Variants in KCNN2 observed in about 807,000 individuals in gnomAD.
KCNN2 encodes potassium calcium-activated channel subfamily N member 2, also known as small conductance calcium-activated potassium channel protein 2.
A neutral mutation model predicts 55.5 loss-of-function variants in KCNN2; 24 were observed. The ratio of observed to expected loss-of-function variants is 0.43; its 90% CI spans 0.31 to 0.61. KCNN2 has a LOEUF of 0.61. KCNN2 is among the 20% of genes least tolerant of loss of function. The pLI, the probability that KCNN2 is intolerant of heterozygous loss-of-function variation, is 0.08. For synonymous variants in KCNN2, 431 were observed against 336.1 expected (o/e 1.28, Z -3.09); for missense variants, 754 against 853.6 (o/e 0.88, Z 1.45).
rs186644249 is a variant in KCNN2, at chr5:114,138,638, A to C, written c.-271+82138A>C. On this transcript the variant is annotated intron_variant, in intron 1 of 10. Coordinates refer to the KCNN2 transcript ENST00000512097. ...GTTATTAACTTGATCTATTCATCTA[A>C]GCCACCTCCCTTTAGGGCAGGGGTT... 2.1e-3 allele frequency among the ~76,000 whole-genome samples: 317 copies of C among 152,306 alleles called. 1 individual carries two copies. The highest frequency in any genetic ancestry group is 7.1e-3 in the African/African-American group (294 of 41,592).
chr5:114,368,174 G>A lies in KCNN2; in HGVS notation c.1218+4173G>A, dbSNP rs1580755720. Among the ~76,000 whole-genome samples the A allele has an allele frequency of 2.0e-5, 3 of 152,106 alleles. No homozygotes were observed. In the South Asian group the frequency reaches 6.2e-4, roughly 32 times the overall value. ...GGTTGACTTTTCATTTATGTGGGTT[G>A]CAAAGTGCTGAAAATCTTAAGTATA... On this transcript the variant is annotated intron_variant, in intron 2 of 7. Transcript: ENST00000673685.
intron 1 of KCNN2, among the ~76,000 whole-genome samples, chr5:114,072,607 C>G (rs1418243116): frequency 6.6e-5 from 10 of 152,150 alleles, no homozygotes; most frequent in Non-Finnish European, 4.4e-5. Context: ...TATAAATTAC[C>G]TAGTCTGTAG....
intron 3 of KCNN2, among the ~76,000 whole-genome samples, chr5:114,443,025 G>T (rs1406304387): frequency 6.6e-6 from 1 of 152,146 alleles, no homozygotes; most frequent in Non-Finnish European, 1.5e-5. Context: ...GGGTGCAGTG[G>T]CTCAAGTCTG....
At chr5:114,378,625 A>G (rs973600469) in intron 2 of KCNN2, among the ~76,000 whole-genome samples, 11 of 152,270 alleles carry the variant, frequency 7.2e-5, no homozygotes, top group African/African-American at 2.6e-4. Flanking sequence ...CATGCAAGTG[A>G]AATGGCTGTA....
chr5:114,460,428 A>G (rs1761140392), intron 3 of KCNN2, among the ~76,000 whole-genome samples: 1 of 152,034 alleles, frequency 6.6e-6, no homozygotes, highest in Non-Finnish European at 1.5e-5. Flanking sequence ...TTTTTAGTAG[A>G]GATGGGGTTT....
intron 4 of KCNN2, among the ~76,000 whole-genome samples, chr5:114,467,412 A>T (rs938475947): frequency 6.6e-6 from 1 of 152,202 alleles, no homozygotes; most frequent in African/African-American, 2.4e-5. Flanking sequence ...ACACTCAAGG[A>T]TTTTTAAAAA....
At chr5:114,189,035 G>A (rs6877787) in intron 1 of KCNN2, among the ~76,000 whole-genome samples, 80,479 of 151,916 alleles carry the variant, frequency 0.53, 22,473 homozygotes, top group Non-Finnish European at 0.62. Flanking sequence ...ATCAGGAAGT[G>A]ATACAAAGTT....
At chr5:114,235,604 A>C (rs1361991818) in intron 2 of KCNN2, among the ~76,000 whole-genome samples, 1 of 152,208 alleles carries the variant, frequency 6.6e-6, no homozygotes, top group Non-Finnish European at 1.5e-5. Context: ...ACGTGTATAC[A>C]TGTGCTTTTG....
intron 1 of KCNN2, among the ~76,000 whole-genome samples, chr5:114,061,845 A>G (rs771392730): frequency 4.6e-5 from 7 of 152,196 alleles, no homozygotes; most frequent in Non-Finnish European, 7.3e-5. Context: ...GCAACTGGGA[A>G]GTGGAGGATC....
At chr5:114,116,038 A>G (rs908188645) in intron 1 of KCNN2, among the ~76,000 whole-genome samples, 7 of 152,154 alleles carry the variant, frequency 4.6e-5, no homozygotes, top group South Asian at 4.1e-4. Flanking sequence ...GCAGATCTAC[A>G]TAGAATGAAA....
At chr5:114,296,504 A>T (rs938775515) in intron 2 of KCNN2, among the ~76,000 whole-genome samples, 15 of 152,242 alleles carry the variant, frequency 9.9e-5, no homozygotes, top group African/African-American at 3.4e-4. Flanking sequence ...AAACACCAAG[A>T]GGTCTCTGTA....
intron 2 of KCNN2, among the ~76,000 whole-genome samples, chr5:114,280,087 A>T (rs1755590833): frequency 6.6e-6 from 1 of 152,188 alleles, no homozygotes; most frequent in Admixed American, 6.5e-5. Flanking sequence ...TTTTGGCTGC[A>T]TAAATGTCTT....
chr5:114,491,851 T>A (rs1191476523), intron 6 of KCNN2, among the ~76,000 whole-genome samples: 3 of 152,094 alleles, frequency 2.0e-5, no homozygotes, highest in African/African-American at 7.2e-5. Context: ...CTAAGTGTTC[T>A]TTTTAGGGGG....
At chr5:114,333,077 T>C (rs1383274216) in intron 2 of KCNN2, among the ~76,000 whole-genome samples, 1 of 152,154 alleles carries the variant, frequency 6.6e-6, no homozygotes, top group East Asian at 1.9e-4. Context: ...CAACATACAG[T>C]GATTCACACC....
intron 3 of KCNN2, among the ~76,000 whole-genome samples, chr5:114,415,593 A>G (rs545334924): frequency 6.6e-6 from 1 of 152,344 alleles, no homozygotes; most frequent in South Asian, 2.1e-4. Context: ...TCTAGTGAGT[A>G]TAAAGTGGTA....
At chr5:114,229,505 A>G (rs554754926) in intron 2 of KCNN2, among the ~76,000 whole-genome samples, 23 of 152,074 alleles carry the variant, frequency 1.5e-4, no homozygotes, top group Non-Finnish European at 2.9e-4. Context: ...GAAAATTCTA[A>G]AAGTTTTTCC....
intron 2 of KCNN2, among the ~76,000 whole-genome samples, chr5:114,284,120 A>G (rs1340162581): frequency 1.3e-5 from 2 of 152,156 alleles, no homozygotes; most frequent in Non-Finnish European, 1.5e-5. Flanking sequence ...TTTTTCTACA[A>G]AGGCAATTAT....
At chr5:114,204,806 T>C (rs1753737683) in intron 1 of KCNN2, among the ~76,000 whole-genome samples, 1 of 152,178 alleles carries the variant, frequency 6.6e-6, no homozygotes, top group Admixed American at 6.5e-5. Flanking sequence ...TTGGGAAAAA[T>C]ATACTTTGTT....
At chr5:114,403,528 G>C (rs556544174) in intron 2 of KCNN2, among the ~76,000 whole-genome samples, 6 of 152,230 alleles carry the variant, frequency 3.9e-5, no homozygotes, top group African/African-American at 1.4e-4. Context: ...GGCCCTAAGT[G>C]TCAGTATCCC....
Sources: allele counts gnomAD v4.1 joint callset (sites outside exome capture counted in the v4.1 genomes callset), GRCh38; gene constraint gnomAD v4.1.1; transcripts MANE v1.5; gene names NCBI Gene and HGNC (gene_info 2026-07-23, HGNC 2026-07-21).